Variants in SRD5A2 observed in about 807,000 individuals in gnomAD.
SRD5A2 encodes the protein 3-oxo-5-alpha-steroid 4-dehydrogenase 2.
Under a neutral mutation model 27.4 loss-of-function variants are expected in SRD5A2, and 30 were observed. The ratio of observed to expected loss-of-function variants is 1.10; its 90% CI spans 0.82 to 1.49. The LOEUF (loss-of-function observed/expected upper bound fraction) is 1.49. SRD5A2 is among the 40% of genes most tolerant of loss of function. SRD5A2 has a pLI of 0.00. For synonymous variants in SRD5A2, 141 were observed against 133.6 expected, an observed-to-expected ratio of 1.06 and a Z score of -0.38; for missense variants, 348 against 323.4, an observed-to-expected ratio of 1.08 and a Z score of -0.58.
the SRD5A2 span, among the ~76,000 whole-genome samples, chr2:31,637,260 T>C: frequency 6.6e-6 from 1 of 152,104 alleles, no homozygotes; most frequent in Non-Finnish European, 1.5e-5. Flanking sequence ...TGTTGGTTTG[T>C]AGTGGCTCAT....
intron 1 of SRD5A2, among the ~76,000 whole-genome samples, chr2:31,545,116 A>T: frequency 6.6e-6 from 1 of 151,978 alleles, no homozygotes; most frequent in East Asian, 1.9e-4. Context: ...TCACTGGTGA[A>T]TTCTACCAAT....
intron 3 of SRD5A2, 130 bp downstream of exon 3, chr2:31,531,241 A>T (rs1355390683): frequency 1.6e-6 from 1 of 627,930 alleles, no homozygotes; most frequent in African/African-American, 1.9e-5. Flanking sequence ...TTGCAGGGGA[A>T]GTCAAGAGCA....
the SRD5A2 span, among the ~76,000 whole-genome samples, chr2:31,616,261 C>A: frequency 6.6e-6 from 1 of 152,152 alleles, no homozygotes; most frequent in East Asian, 1.9e-4. Context: ...GGTTGAAGCC[C>A]ATACACAGAG....
At chr2:31,603,336 T>C in the SRD5A2 span, among the ~76,000 whole-genome samples, 1 of 151,890 alleles carries the variant, frequency 6.6e-6, no homozygotes, top group African/African-American at 2.4e-5. Context: ...GAAATGCAAA[T>C]AAAAACCACA....
chr2:31,594,550 A>G, the SRD5A2 span, among the ~76,000 whole-genome samples: 1 of 152,202 alleles, frequency 6.6e-6, no homozygotes, highest in African/African-American at 2.4e-5. Context: ...CCAAATTTAT[A>G]AAACAATTAC....
Position 31,534,103 on chromosome 2 carries a change from C to T in SRD5A2, c.282-337G>A, listed in dbSNP as rs28383046. Among the ~76,000 whole-genome samples, 333 of 152,098 alleles carry T rather than the reference C, an allele frequency of 2.2e-3. 2 individuals are homozygous for T. The highest frequency in any genetic ancestry group is 3.5e-3 in the Middle Eastern group (1 of 288). ...AATAAATATCCTTAAAGAAATGTTT[C>T]CTTCAAGGCAGAAAAAAATACTTGA... On this transcript the variant is annotated intron_variant, in intron 1 of 4. Transcript: ENST00000622030.
At chr2:31,585,154 A>G (rs948110564), upstream of SRD5A2, among the ~76,000 whole-genome samples, 17 of 152,354 alleles carry the variant, frequency 1.1e-4, no homozygotes, top group Admixed American at 9.1e-4. Context: ...TCAGAATTTC[A>G]GTTCCCACAA....
the SRD5A2 span, among the ~76,000 whole-genome samples, chr2:31,661,925 T>C: frequency 2.0e-5 from 3 of 152,294 alleles, no homozygotes; most frequent in East Asian, 1.9e-4. Flanking sequence ...CTTTCTTCTA[T>C]ATCGGCCAAA....
At chr2:31,527,964 TTCTC>T (rs1665819581) in intron 4 of SRD5A2, among the ~76,000 whole-genome samples, 1 of 152,254 alleles carries the variant, frequency 6.6e-6, no homozygotes, top group East Asian at 1.9e-4. Context: ...ATTATAGGCT[TTCTC>T]TTTCCACAAA....
intron 1 of SRD5A2, among the ~76,000 whole-genome samples, chr2:31,554,716 C>T (rs1241142834): frequency 6.6e-6 from 1 of 152,186 alleles, no homozygotes; most frequent in Non-Finnish European, 1.5e-5. Flanking sequence ...CATCAATTTG[C>T]ATTTTTCACC....
chr2:31,558,932 A>G (rs1396671029), intron 1 of SRD5A2, among the ~76,000 whole-genome samples: 1 of 152,230 alleles, frequency 6.6e-6, no homozygotes, highest in Non-Finnish European at 1.5e-5. Context: ...TAAGCAATGC[A>G]TGACATCGCA....
intron 1 of SRD5A2, among the ~76,000 whole-genome samples, chr2:31,549,696 C>T (rs1666345336): frequency 6.6e-6 from 1 of 152,098 alleles, no homozygotes; most frequent in Non-Finnish European, 1.5e-5. Context: ...ATATAGAAGT[C>T]TTAAATGTGT....
At chr2:31,570,630 T>C (rs528707974) in intron 1 of SRD5A2, among the ~76,000 whole-genome samples, 2 of 152,318 alleles carry the variant, frequency 1.3e-5, no homozygotes, top group South Asian at 2.1e-4. Flanking sequence ...GAACACCCCA[T>C]AGTCTCTTCC....
At position 31,525,805 on chromosome 2, in the gene SRD5A2, A is replaced by G; in HGVS notation, c.*391T>C. 1 of 245,942 alleles carries G rather than the reference A, an allele frequency of 4.1e-6. No individual in the cohort carries two copies. The highest frequency in any genetic ancestry group is 5.7e-5 in the East Asian group (1 of 17,568). The allele number at this position is 245,942 out of a possible 1,614,324, so 15.2% of individuals were successfully genotyped here. On this transcript the variant is annotated 3_prime_UTR_variant, in exon 5 of 5. Coordinates refer to ENST00000622030, the MANE Select transcript of SRD5A2 (RefSeq NM_000348.4). ...AAAATGCATACCTTTAATAAGGTCTATAAGTACTGCCTTCAAGTCAAAAAA... is the reference window on the plus strand; with the variant it reads ...AAAATGCATACCTTTAATAAGGTCTGTAAGTACTGCCTTCAAGTCAAAAAA...
chr2:31,568,676 G>A lies in SRD5A2; in HGVS notation c.281+11944C>T, dbSNP rs970315469. On this transcript the variant is annotated intron_variant, in intron 1 of 4. Coordinates refer to ENST00000622030, the MANE Select transcript of SRD5A2 (RefSeq NM_000348.4). ...GAAGGTGGGGTTTCACCCGAGACCT[G>A]CCCCTTTCCACCCAGGAGCCTGTCT... 8.5e-5 allele frequency among the ~76,000 whole-genome samples: 13 copies of A among 152,164 alleles called. No individual in the cohort carries two copies. The South Asian group carries it at 1.5e-3, about 17-fold the overall frequency.
rs780252832 is a variant in SRD5A2 at position 31,533,713 on chromosome 2, A to G, written c.335T>C (p.Ile112Thr). 6.3e-7 allele frequency: 1 copy of G among 1,597,978 alleles called. No homozygotes were observed. Among genetic ancestry groups the G allele is most frequent in the East Asian group, 2.3e-5 (1 of 44,358 alleles). Residue 112 changes from isoleucine to threonine, a missense_variant, in exon 2 of 5, where the codon ATT (isoleucine) becomes ACT (threonine). By Grantham distance (89) the Ile-to-Thr change is moderately conservative. Coordinates refer to ENST00000622030, the MANE Select transcript of SRD5A2 (RefSeq NM_000348.4). ...AGTGCAGAAGGCAGTGCCTCTGAGA[A>G]TGAGTATAGCTGGATAAGGCCTCCC... is the stretch of plus-strand genomic sequence containing the variant. ...NRGRPYPAIL[I>T]LRGTAFCTGN...
chr2:31,656,854 G>C, the SRD5A2 span, among the ~76,000 whole-genome samples: 1 of 152,290 alleles, frequency 6.6e-6, no homozygotes, highest in African/African-American at 2.4e-5. Context: ...ACAATGTGTT[G>C]AAAATGACAC....
chr2:31,596,964 C>G, the SRD5A2 span, among the ~76,000 whole-genome samples: 1 of 151,940 alleles, frequency 6.6e-6, no homozygotes. Flanking sequence ...AAAATACCAC[C>G]ATCATTTTTT....
At chr2:31,547,005 G>A (rs986476117) in intron 1 of SRD5A2, among the ~76,000 whole-genome samples, 38 of 152,136 alleles carry the variant, frequency 2.5e-4, no homozygotes, top group South Asian at 6.2e-4. Flanking sequence ...GGGTGAAGCA[G>A]GAGAATCACT....
Sources: allele counts gnomAD v4.1 joint callset (sites outside exome capture counted in the v4.1 genomes callset), GRCh38; gene constraint gnomAD v4.1.1; transcripts MANE v1.5; gene names NCBI Gene and HGNC (gene_info 2026-07-23, HGNC 2026-07-21).